The following DLC1 variants were observed in gnomAD, a reference collection of about 807,000 sequenced individuals.
The protein encoded by DLC1 is DLC1 Rho GTPase activating protein.
In DLC1, 54 loss-of-function variants were observed where a neutral mutation model predicts 140.3. That is an observed-to-expected ratio of 0.38 (90% CI 0.31 to 0.48). The LOEUF is 0.48. DLC1 is among the 20% of genes least tolerant of loss of function. The pLI, the probability that DLC1 is intolerant of heterozygous loss-of-function variation, is 0.96. For missense variants in DLC1, 2,536 were observed against 1,907.0 expected (o/e 1.33, Z -6.14); for synonymous variants, 986 against 728.1 (o/e 1.35, Z -5.70).
chr8:13,271,399 A>G (rs185568705), intron 5 of DLC1, among the ~76,000 whole-genome samples: 5 of 152,194 alleles, frequency 3.3e-5, no homozygotes, highest in African/African-American at 9.7e-5. Flanking sequence ...AGAATTCCCA[A>G]TGCCCCACTG....
chr8:13,463,926 C>T (rs1217792939), intron 2 of DLC1, among the ~76,000 whole-genome samples: 1 of 151,766 alleles, frequency 6.6e-6, no homozygotes, highest in African/African-American at 2.4e-5. Context: ...TTGTCTGTAG[C>T]CCCAGGGATG....
intron 2 of DLC1, among the ~76,000 whole-genome samples, chr8:13,496,577 TACAC>T (rs1360660364): frequency 7.8e-6 from 1 of 128,672 alleles, no homozygotes. Flanking sequence ...CATATATATA[TACAC>T]ACACACACAC....
chr8:13,577,154 C>A (rs867723089), intron 1 of DLC1, among the ~76,000 whole-genome samples: 2 of 152,152 alleles, frequency 1.3e-5, no homozygotes, highest in Non-Finnish European at 2.9e-5. Flanking sequence ...ACTGGAGAAA[C>A]AGTGGGGATA....
chr8:13,178,145 C>A (rs945267827), intron 5 of DLC1, among the ~76,000 whole-genome samples: 2 of 151,990 alleles, frequency 1.3e-5, no homozygotes, highest in Admixed American at 1.3e-4. Context: ...CAATGAATTG[C>A]AGATCTAGAA....
chr8:13,170,262 G>A (rs950351265), intron 5 of DLC1, among the ~76,000 whole-genome samples: 2 of 152,134 alleles, frequency 1.3e-5, no homozygotes, highest in African/African-American at 2.4e-5. Flanking sequence ...GAGCCAAAGA[G>A]TTCTTGATGC....
intron 5 of DLC1, among the ~76,000 whole-genome samples, chr8:13,298,711 A>G (rs1358009318): frequency 1.3e-5 from 2 of 152,166 alleles, no homozygotes; most frequent in African/African-American, 4.8e-5. Flanking sequence ...GTTGGATCCA[A>G]TGAAGCAAGT....
chr8:13,333,576 C>A (rs1440771598), intron 4 of DLC1, among the ~76,000 whole-genome samples: 1 of 152,178 alleles, frequency 6.6e-6, no homozygotes, highest in Admixed American at 6.5e-5. Flanking sequence ...AAGACTGAAA[C>A]TGCTTAACGA....
intron 5 of DLC1, among the ~76,000 whole-genome samples, chr8:13,163,706 C>T (rs1240771411): frequency 2.0e-5 from 3 of 152,014 alleles, no homozygotes; most frequent in East Asian, 3.9e-4. Flanking sequence ...TCTGGCCAGA[C>T]GTGGTGGCTC....
intron 1 of DLC1, among the ~76,000 whole-genome samples, chr8:13,590,128 AT>A (rs1342985246): frequency 7.6e-5 from 11 of 145,656 alleles, no homozygotes; most frequent in African/African-American, 2.3e-4. Context: ...TTATTTTCCT[AT>A]GCATATATTT....
intron 5 of DLC1, among the ~76,000 whole-genome samples, chr8:13,151,182 T>C (rs79069650): frequency 6.6e-6 from 1 of 152,114 alleles, no homozygotes; most frequent in Non-Finnish European, 1.5e-5. Context: ...ATAAAACATA[T>C]GATGTTTACA....
chr8:13,340,878 G>C (rs1326257157), intron 4 of DLC1: 2 of 152,208 alleles, frequency 1.3e-5, no homozygotes, highest in Admixed American at 6.5e-5. Flanking sequence ...GGAAAGTTCA[G>C]CCATCCTCTA....
rs1394270891 is a variant in DLC1 at position 13,496,785 on chromosome 8, CCTT to C, written c.1023+2261_1023+2263del. On this transcript the variant is annotated intron_variant, in intron 2 of 17. Coordinates refer to ENST00000276297, the MANE Select transcript of DLC1 (RefSeq NM_182643.3). ...TAATTAACAAATTCTTAGACCATTT[CCTT>C]TTTTTTTTTTTTTTTTTTTTTTTTT... Among the ~76,000 whole-genome samples the C allele has an allele frequency of 3.5e-4, 3 of 8,650 alleles. 1 individual carries two copies. Among genetic ancestry groups the C allele is most frequent in the African/African-American group, 2.8e-4 (1 of 3,604 alleles). 5.7% of individuals were successfully genotyped at this position (8,650 alleles called of 152,430 possible). A position where few individuals can be genotyped will look rare whatever the true frequency, so the allele number is the denominator to read the frequency against.
intron 5 of DLC1, among the ~76,000 whole-genome samples, chr8:13,213,787 G>C (rs190813430): frequency 1.2e-3 from 169 of 143,274 alleles, no homozygotes; most frequent in African/African-American, 3.2e-3. Flanking sequence ...GTTTGTTTCC[G>C]TTTTTTTTTT....
intron 1 of DLC1, among the ~76,000 whole-genome samples, chr8:13,553,211 T>TAC (rs1803923982): frequency 1.5e-5 from 1 of 64,618 alleles, no homozygotes; most frequent in South Asian, 4.9e-4. Flanking sequence ...GTCATATATA[T>TAC]ATATATATAT....
chr8:13,234,399 A>C (rs147654361), intron 5 of DLC1, among the ~76,000 whole-genome samples: 2 of 152,116 alleles, frequency 1.3e-5, no homozygotes, highest in East Asian at 3.8e-4. Flanking sequence ...AAATAGGTCT[A>C]TTTCAAGCCT....
intron 4 of DLC1, among the ~76,000 whole-genome samples, chr8:13,381,716 C>G (rs892091244): frequency 6.6e-6 from 1 of 152,006 alleles, no homozygotes; most frequent in Non-Finnish European, 1.5e-5. Context: ...CATGAGAGAC[C>G]CTGTCCTAAA....
chr8:13,308,138 G>A (rs1033232715), intron 4 of DLC1, among the ~76,000 whole-genome samples: 2 of 152,112 alleles, frequency 1.3e-5, no homozygotes, highest in Non-Finnish European at 2.9e-5. Flanking sequence ...CCATGCATGT[G>A]TAATTAAATA....
At chr8:13,478,922 C>T (rs563860334) in intron 2 of DLC1, among the ~76,000 whole-genome samples, 2 of 152,326 alleles carry the variant, frequency 1.3e-5, no homozygotes, top group Admixed American at 6.5e-5. Context: ...GGCCTGTTGG[C>T]CTCCTGTTAT....
At chr8:13,477,939 C>T (rs1043924405) in intron 2 of DLC1, among the ~76,000 whole-genome samples, 3 of 152,108 alleles carry the variant, frequency 2.0e-5, no homozygotes, top group South Asian at 2.1e-4. Flanking sequence ...TAAAAAACCT[C>T]TAAGAGAATC....
Sources: gnomAD v4.1 joint callset for allele counts (sites outside exome capture counted in the v4.1 genomes callset) on GRCh38, gnomAD v4.1.1 for gene constraint, MANE v1.5 for transcripts, NCBI Gene and HGNC (gene_info 2026-07-23, HGNC 2026-07-21) for gene names.